POU2F2: variants seen among roughly 807,000 people sequenced by gnomAD.
POU2F2 encodes the protein POU domain, class 2, transcription factor 2.
POU2F2 carries 14 observed loss-of-function variants against 63.5 expected under a neutral mutation model. The observed-to-expected ratio is 0.22, with a 90% confidence interval of 0.15 to 0.34. POU2F2 has a LOEUF of 0.34. Ranked by LOEUF, POU2F2 falls within the 10% of genes least tolerant of loss-of-function variation. POU2F2 has a pLI of 1.00. For synonymous variants in POU2F2, 306 were observed against 348.6 expected, an observed-to-expected ratio of 0.88 and a Z score of 1.36; for missense variants, 607 against 815.2, an observed-to-expected ratio of 0.74 and a Z score of 3.11.
At chr19:42,111,733 C>T (rs1359128386) in intron 5 of POU2F2, among the ~76,000 whole-genome samples, 6 of 152,164 alleles carry the variant, frequency 3.9e-5, no homozygotes, top group Non-Finnish European at 4.4e-5. Context: ...ACCCTCCTGG[C>T]TCAAGCCACC....
In POU2F2 at chr19:42,184,714, AAT is replaced by A. The variant is rs142905162; in HGVS notation, c.-70+11667_-70+11668del. 4.5e-3 allele frequency among the ~76,000 whole-genome samples: 687 copies of A among 152,194 alleles called. 15 individuals carry two copies. Among genetic ancestry groups the A allele is most frequent in the African/African-American group, 0.016 (667 of 41,524 alleles). The stretch of plus-strand genomic sequence containing the variant: ...CTCTCCTCTGCAGCATGCAGCCACA[AAT>A]ATCTTTTCAAAATCCTCTTGGCATC... On this transcript the variant is annotated intron_variant, in intron 1 of 5. Coordinates refer to the POU2F2 transcript ENST00000532176.
rs1401275810 is a variant in POU2F2 at position 42,096,246 on chromosome 19, G to A, written c.568-3C>T. The A allele has an allele frequency of 6.4e-7, 1 of 1,563,196 alleles. No individual in the cohort carries two copies. Among genetic ancestry groups the A allele is most frequent in the Non-Finnish European group, 8.7e-7 (1 of 1,155,880 alleles). ...GGCAGCGTAGGGCGGGTCACGGCCTGGTGGGGTGGGCAGGTGGGTGGGATG... is the reference window on the plus strand; with the variant it reads ...GGCAGCGTAGGGCGGGTCACGGCCTAGTGGGGTGGGCAGGTGGGTGGGATG... On this transcript the variant is annotated splice_region_variant and splice_polypyrimidine_tract_variant and intron_variant, in intron 7 of 14. Transcript: ENST00000692977. This position sits in a 1 kb window ranked among gnomAD's most constrained non-coding sequence, Gnocchi z 4.1.
chr19:42,132,367 G>T lies in POU2F2; in HGVS notation c.28+17C>A. ...TGCCTGTCCTCTGAGCAGTGGCACA[G>T]GCACCAGCCCCCTTACCTGGAGCCC... On this transcript the variant is annotated intron_variant, in intron 1 of 14. Coordinates refer to ENST00000692977, the MANE Select transcript of POU2F2 (RefSeq NM_001394376.1). 6 of 1,578,134 alleles carry T rather than the reference G, an allele frequency of 3.8e-6. No homozygotes were observed. The highest frequency in any genetic ancestry group is 5.2e-6 in the Non-Finnish European group (6 of 1,165,044).
rs992350356 is a variant in POU2F2 at position 42,169,926 on chromosome 19, G to A, written c.-70+6037C>T. On this transcript the variant is annotated intron_variant, in intron 1 of 6. Transcript: ENST00000524801. This position sits in a 1 kb window ranked among gnomAD's most constrained non-coding sequence, Gnocchi z 4.3. ...GTGCCTTGCAGATGGGGAGGGGGCC[G>A]GGGTGTCAGCGAGCTCCTGTGTCAC... Among the ~76,000 whole-genome samples the A allele has an allele frequency of 2.0e-4, 30 of 152,092 alleles. No homozygotes were observed. Among genetic ancestry groups the A allele is most frequent in the African/African-American group, 6.3e-4 (26 of 41,412 alleles).
chr19:42,122,617 A>T (rs369868268), intron 1 of POU2F2, 41 bp from the exon 2 acceptor site: 5 of 1,478,952 alleles, frequency 3.4e-6, no homozygotes, highest in African/African-American at 1.4e-5. Flanking sequence ...GAAGGAGGGG[A>T]ATCCAGGAGG....
chr19:42,158,576 C>G (rs1215179150), intron 2 of POU2F2, among the ~76,000 whole-genome samples: 2 of 152,192 alleles, frequency 1.3e-5, no homozygotes, highest in Non-Finnish European at 2.9e-5. Context: ...GGATTAAAAG[C>G]AAAGTGCCCA....
At chr19:42,126,029 C>T (rs1215876452) in intron 1 of POU2F2, among the ~76,000 whole-genome samples, 5 of 152,178 alleles carry the variant, frequency 3.3e-5, no homozygotes, top group African/African-American at 1.2e-4. Flanking sequence ...AATTCATACA[C>T]GGAAGTCCTA....
At chr19:42,097,192 G>GTTTTTTTTTTTTTTTTTTTTTTT in intron 7 of POU2F2, among the ~76,000 whole-genome samples, 1 of 117,752 alleles carries the variant, frequency 8.5e-6, no homozygotes, top group Non-Finnish European at 1.8e-5. Context: ...GAATTTTTCA[G>GTTTTTTTTTTTTTTTTTTTTTTT]TTTTTTTTTT....
At chr19:42,194,626 G>A (rs1345101592) in intron 1 of POU2F2, among the ~76,000 whole-genome samples, 1 of 151,608 alleles carries the variant, frequency 6.6e-6, no homozygotes, top group Non-Finnish European at 1.5e-5. Context: ...GAGTATGGTG[G>A]CACATGCCTG....
intron 2 of POU2F2, among the ~76,000 whole-genome samples, chr19:42,149,086 G>A (rs1001990615): frequency 6.6e-6 from 1 of 152,118 alleles, no homozygotes; most frequent in Non-Finnish European, 1.5e-5. Context: ...TCCCTCCCTA[G>A]GAGACAGAGG....
At chr19:42,172,329 T>C (rs1195296) in intron 1 of POU2F2, among the ~76,000 whole-genome samples, 122,342 of 152,130 alleles carry the variant, frequency 0.8, 49,969 homozygotes, top group African/African-American at 0.95. Context: ...TGTTGGCCCA[T>C]GGTCAGTGCC....
At chr19:42,135,669 A>C (rs2033993248), upstream of POU2F2, among the ~76,000 whole-genome samples, 1 of 151,374 alleles carries the variant, frequency 6.6e-6, no homozygotes, top group Admixed American at 6.6e-5. Flanking sequence ...AAAAAAAATT[A>C]AATTAAGCTT....
chr19:42,182,927 G>T (rs143017301), intron 1 of POU2F2, among the ~76,000 whole-genome samples: 1 of 152,290 alleles, frequency 6.6e-6, no homozygotes, highest in Non-Finnish European at 1.5e-5. Flanking sequence ...GACCACAAGC[G>T]GGGAATCGAA....
Position 42,117,001 on chromosome 19 carries a change from G to A in POU2F2, c.369+249C>T, listed in dbSNP as rs573248043. Reference sequence around the variant, plus strand: ...CTGCTGCTGAGCTGGCATCAGTGCCGTGAGCTGCGGGGTGTCGGGGACAGC... The same window carrying A: ...CTGCTGCTGAGCTGGCATCAGTGCCATGAGCTGCGGGGTGTCGGGGACAGC... On this transcript the variant is annotated intron_variant, in intron 5 of 14. Transcript: ENST00000692977. The surrounding 1 kb of genome is among the most constrained non-coding windows in gnomAD (Gnocchi z 4.4). 1.4e-5 allele frequency: 9 copies of A among 621,302 alleles called. No homozygotes were observed. Among genetic ancestry groups the A allele is most frequent in the Admixed American group, 2.5e-5 (1 of 39,276 alleles). 38.5% of individuals were successfully genotyped at this position (621,302 alleles called of 1,614,324 possible).
rs760951379 is a variant in POU2F2, at chr19:42,152,389, G to A, written c.-9+7943C>T. Among the ~76,000 whole-genome samples, 5 of 151,964 alleles carry A rather than the reference G, an allele frequency of 3.3e-5. No individual in the cohort carries two copies. The highest frequency in any genetic ancestry group is 6.6e-5 in the Admixed American group (1 of 15,262). ...CTGCCAAGAAGGCCCCAGATGGGCC[G>A]AGGACTATAGGGGTCCCGGCTGCCC... is the stretch of plus-strand genomic sequence containing the variant. On this transcript the variant is annotated intron_variant, in intron 2 of 6. Coordinates refer to the POU2F2 transcript ENST00000524801. This position sits in a 1 kb window ranked among gnomAD's most constrained non-coding sequence, Gnocchi z 4.1.
intron 2 of POU2F2, among the ~76,000 whole-genome samples, chr19:42,154,397 GA>G (rs1464915090): frequency 9.2e-5 from 14 of 152,252 alleles, no homozygotes; most frequent in Middle Eastern, 6.8e-3. Flanking sequence ...CAAAGGCAGA[GA>G]AAAAGAGCAG....
chr19:42,106,572 G>A (rs1291005935), intron 5 of POU2F2, among the ~76,000 whole-genome samples: 1 of 152,138 alleles, frequency 6.6e-6, no homozygotes, highest in Non-Finnish European at 1.5e-5. Context: ...CAGCATCCAT[G>A]CAATATAACC....
At chr19:42,112,659 C>T (rs2031287698) in intron 5 of POU2F2, among the ~76,000 whole-genome samples, 1 of 152,008 alleles carries the variant, frequency 6.6e-6, no homozygotes, top group Admixed American at 6.5e-5. Context: ...CCTGAGCCAC[C>T]CTGCCCGGCC....
chr19:42,097,066 C>T (rs566646763), intron 7 of POU2F2, among the ~76,000 whole-genome samples: 1 of 151,914 alleles, frequency 6.6e-6, no homozygotes, highest in South Asian at 2.1e-4. Context: ...ACAGCTCTAT[C>T]TGGGATTCTT....
Sources: allele counts gnomAD v4.1 joint callset (sites outside exome capture counted in the v4.1 genomes callset), GRCh38; gene constraint gnomAD v4.1.1; non-coding constraint Gnocchi (gnomAD v3.1); transcripts MANE v1.5; gene names NCBI Gene and HGNC (gene_info 2026-07-23, HGNC 2026-07-21).